Variants in ITPA observed in about 807,000 individuals in gnomAD.
The protein encoded by ITPA is inosine triphosphate pyrophosphatase.
A neutral mutation model predicts 29.6 loss-of-function variants in ITPA; 29 were observed. The ratio of observed to expected loss-of-function variants is 0.98; its 90% CI spans 0.73 to 1.34. The LOEUF (loss-of-function observed/expected upper bound fraction) is 1.34, where lower values mean the gene tolerates loss of function less well. Among genes scored for constraint, ITPA ranks in the 40% most tolerant of loss-of-function variants. The pLI, the probability that ITPA is intolerant of heterozygous loss-of-function variation, is 0.00. For missense variants in ITPA, 241 were observed against 251.5 expected, an observed-to-expected ratio of 0.96 and a Z score of 0.28; for synonymous variants, 103 against 99.3, an observed-to-expected ratio of 1.04 and a Z score of -0.22.
At position 3,218,497 on chromosome 20, in the gene ITPA, C is replaced by T. The variant is rs533883829; in HGVS notation, c.296-20C>T. The T allele has an allele frequency of 1.1e-5, 17 of 1,551,494 alleles. No individual in the cohort carries two copies. Among genetic ancestry groups the T allele is most frequent in the Admixed American group, 1.7e-5 (1 of 59,922 alleles). On this transcript the variant is annotated intron_variant, in intron 5 of 7. Transcript: ENST00000380113. ...AGTTGGCCATTAGGGATGCACTGAG[C>T]CCTCACTGCCCACCCGCAGGTCTCC...
At chr20:3,225,119 C>T (rs1314973620), downstream of ITPA, among the ~76,000 whole-genome samples, 4 of 152,092 alleles carry the variant, frequency 2.6e-5, no homozygotes, top group Admixed American at 2.6e-4. Flanking sequence ...TGGGAGGATC[C>T]CGAGCCTAGG....
At chr20:3,220,254 C>T (rs966038916) in intron 6 of ITPA, among the ~76,000 whole-genome samples, 3 of 151,972 alleles carry the variant, frequency 2.0e-5, no homozygotes, top group Admixed American at 2.0e-4. Context: ...GACAGGGTTT[C>T]ACTATGTTGC....
At chr20:3,204,408 G>C (rs1243597539), upstream of ITPA, 4 of 914,572 alleles carry the variant, frequency 4.4e-6, no homozygotes, top group East Asian at 7.9e-5. Context: ...CACACGACTA[G>C]CGCACGGACG....
chr20:3,224,415 G>A (rs11904922), downstream of ITPA, among the ~76,000 whole-genome samples: 7,295 of 152,258 alleles, frequency 0.048, 572 homozygotes, highest in African/African-American at 0.17. Flanking sequence ...CAAGGGGGGC[G>A]TGATGGGCTC....
At chr20:3,214,999 A>G (rs1016299002) in intron 4 of ITPA, among the ~76,000 whole-genome samples, 1 of 152,128 alleles carries the variant, frequency 6.6e-6, no homozygotes, top group East Asian at 1.9e-4. Context: ...CAGCCTCCCA[A>G]GTAGCTGGGA....
intron 5 of ITPA, among the ~76,000 whole-genome samples, chr20:3,217,065 G>C (rs1019823831): frequency 1.3e-5 from 2 of 152,032 alleles, no homozygotes; most frequent in Non-Finnish European, 2.9e-5. Context: ...ATTTTTAGTA[G>C]AGACAGGGTT....
At chr20:3,213,520 T>A in intron 3 of ITPA, 137 bp downstream of exon 3, 1 of 1,028,908 alleles carries the variant, frequency 9.7e-7, no homozygotes, top group Non-Finnish European at 1.5e-6. Context: ...AGGGTTCAGT[T>A]AATATTGGCT....
At chr20:3,212,802 GA>G (rs1431177292) in intron 1 of ITPA, among the ~76,000 whole-genome samples, 1 of 152,136 alleles carries the variant, frequency 6.6e-6, no homozygotes, top group African/African-American at 2.4e-5. Context: ...GGGTTACTAA[GA>G]ATAAAGTTTT....
upstream of ITPA, chr20:3,204,707 G>C: frequency 7.1e-7 from 1 of 1,401,448 alleles, no homozygotes; most frequent in South Asian, 1.3e-5. Context: ...TCCCAATCTA[G>C]ACTCCGCCCA....
At chr20:3,218,230 G>A (rs1238976410) in intron 5 of ITPA, among the ~76,000 whole-genome samples, 1 of 152,200 alleles carries the variant, frequency 6.6e-6, no homozygotes, top group Admixed American at 6.5e-5. Context: ...CAGTTGGTTA[G>A]TTTTGAATCA....
At chr20:3,225,595 G>A (rs1051336005), downstream of ITPA, among the ~76,000 whole-genome samples, 4 of 152,226 alleles carry the variant, frequency 2.6e-5, no homozygotes, top group Admixed American at 1.3e-4. Flanking sequence ...CCCACACCTC[G>A]CCCCGTGCAT....
intron 5 of ITPA, 150 bp from the exon 6 acceptor site, chr20:3,218,367 G>T: frequency 1.4e-6 from 1 of 698,348 alleles, no homozygotes; most frequent in South Asian, 1.5e-5. Flanking sequence ...TAGTCCCACT[G>T]CCTTGGGCTC....
chr20:3,213,100 A>G, intron 1 of ITPA, 69 bp from the exon 2 acceptor site: 1 of 1,456,292 alleles, frequency 6.9e-7, no homozygotes, highest in Admixed American at 1.7e-5. Flanking sequence ...AGAAAGGCGG[A>G]TGACAGCTCA....
upstream of ITPA, chr20:3,204,753 A>G: frequency 5.6e-6 from 5 of 892,254 alleles, no homozygotes; most frequent in South Asian, 8.3e-5. Flanking sequence ...CATCACAGAG[A>G]GGCTTTAATG....
Position 3,209,600 on chromosome 20 carries a change from GCCAAGA to G in ITPA, c.50_55del (p.Ala17_Lys19delinsGlu). On this transcript the variant is annotated inframe_deletion, in exon 1 of 8. Coordinates refer to ENST00000380113, the MANE Select transcript of ITPA (RefSeq NM_033453.4). The surrounding 1 kb of genome is among the most constrained non-coding windows in gnomAD (Gnocchi z 4.6). ...GAAGATCGTGTTTGTAACGGGGAAC[GCCAAGA>G]AGCTGGAGGAGGTGCCGGGAGGGTG... 6.2e-7 allele frequency: 1 copy of G among 1,614,078 alleles called. No individual in the cohort carries two copies. Among genetic ancestry groups the G allele is most frequent in the Non-Finnish European group, 8.5e-7 (1 of 1,179,992 alleles).
intron 5 of ITPA, among the ~76,000 whole-genome samples, chr20:3,217,727 CCAAAGT>C (rs2067339722): frequency 6.6e-6 from 1 of 152,052 alleles, no homozygotes; most frequent in African/African-American, 2.4e-5. Context: ...CCTTGGCCTC[CCAAAGT>C]GTTGGGATTA....
chr20:3,204,509 C>G, upstream of ITPA: 1 of 1,542,386 alleles, frequency 6.5e-7, no homozygotes, highest in Non-Finnish European at 8.7e-7. Context: ...CCCGGTACCA[C>G]CAACCCTGGT....
At chr20:3,218,672 C>T (rs763909834) in intron 6 of ITPA, 40 bp downstream of exon 6, 2 of 1,514,062 alleles carry the variant, frequency 1.3e-6, no homozygotes, top group Non-Finnish European at 1.8e-6. Flanking sequence ...CGCGCGCCGC[C>T]AGGGGGTGCC....
rs551485592 is a variant in ITPA at position 3,223,657 on chromosome 20, C to T, written c.*195C>T. 4 of 620,094 alleles carry T rather than the reference C, an allele frequency of 6.5e-6. No individual in the cohort carries two copies. The highest frequency in any genetic ancestry group is 5.4e-5 in the African/African-American group (3 of 55,090). 38.4% of individuals were successfully genotyped at this position (620,094 alleles called of 1,614,324 possible). On this transcript the variant is annotated 3_prime_UTR_variant, in exon 8 of 8. Transcript: ENST00000380113. ...GAAACTCTGGCAAGTGGACGCCATT[C>T]TCTTGCCCTTAGGATTCACTGCTCT... is the stretch of plus-strand genomic sequence containing the variant.
Sources: gnomAD v4.1 joint callset for allele counts (sites outside exome capture counted in the v4.1 genomes callset) on GRCh38, gnomAD v4.1.1 for gene constraint, Gnocchi (gnomAD v3.1) non-coding constraint, MANE v1.5 for transcripts, NCBI Gene and HGNC (gene_info 2026-07-23, HGNC 2026-07-21) for gene names.